ADGRG2: variants seen among roughly 807,000 people sequenced by gnomAD.
ADGRG2 encodes the protein G protein-coupled receptor 64.
ADGRG2 carries 26 observed loss-of-function variants against 74.1 expected under a neutral mutation model. That is an observed-to-expected ratio of 0.35 (90% CI 0.26 to 0.49). The LOEUF (loss-of-function observed/expected upper bound fraction) is 0.49. Ranked by LOEUF, ADGRG2 falls within the 20% of genes least tolerant of loss-of-function variation. The pLI, the probability that ADGRG2 is intolerant of heterozygous loss-of-function variation, is 0.99. For synonymous variants in ADGRG2, 296 were observed against 295.2 expected, an observed-to-expected ratio of 1.00 and a Z score of -0.03; for missense variants, 619 against 763.1, an observed-to-expected ratio of 0.81 and a Z score of 2.22.
intron 2 of ADGRG2, among the ~76,000 whole-genome samples, chrX:19,073,025 G>C (rs1328138245): frequency 8.0e-5 from 9 of 112,286 alleles, no homozygotes; most frequent in Admixed American, 4.7e-4. Context: ...GGTGTGAGCT[G>C]GTGGGAGGTG....
intron 3 of ADGRG2, among the ~76,000 whole-genome samples, chrX:19,068,401 C>T (rs756656238): frequency 9.2e-6 from 1 of 108,962 alleles, no homozygotes; most frequent in Non-Finnish European, 1.9e-5. Context: ...ATCTAAGGTA[C>T]TTGCAATAAG....
chrX:19,089,828 C>G (rs750684171), intron 1 of ADGRG2, among the ~76,000 whole-genome samples: 1 of 111,642 alleles, frequency 9.0e-6, no homozygotes, highest in Admixed American at 9.5e-5. Context: ...CCGAGACCAG[C>G]AGAAGAACCA....
At chrX:19,079,076 A>G (rs1010989089) in intron 2 of ADGRG2, among the ~76,000 whole-genome samples, 26 of 112,241 alleles carry the variant, frequency 2.3e-4, no homozygotes, top group African/African-American at 8.1e-4. Flanking sequence ...CCAATTACCA[A>G]GAAGGAATCA....
intron 16 of ADGRG2, 143 bp downstream of exon 16, chrX:19,013,543 G>A: frequency 2.1e-6 from 1 of 471,150 alleles, no homozygotes; most frequent in Non-Finnish European, 3.5e-6. Context: ...TGACTCTTAT[G>A]CAACCATGTA....
At chrX:19,002,497 T>C (rs141950990) in intron 24 of ADGRG2, among the ~76,000 whole-genome samples, 1 of 112,105 alleles carries the variant, frequency 8.9e-6, no homozygotes, top group Non-Finnish European at 1.9e-5. Context: ...GTTTGGGCTC[T>C]TTACCACCAA....
chrX:19,023,955 T>A lies in ADGRG2; in HGVS notation c.471-7A>T. The A allele has an allele frequency of 2.6e-6, 3 of 1,167,261 alleles. No homozygotes were observed. ...TTTGTTGAGCTCTGAGCGTCTGTAA[T>A]AAAATGAGAGAAATTGACATTAAGG... On this transcript the variant is annotated splice_polypyrimidine_tract_variant and splice_region_variant and intron_variant, in intron 11 of 28. Coordinates refer to ENST00000379869, the MANE Select transcript of ADGRG2 (RefSeq NM_001079858.3).
rs745398670 is a variant in ADGRG2, at chrX:18,999,114, G to A, written c.2496C>T (p.Leu832=). ...GAQRKTSIQD[L]RSIAGLTFLL... is the part of the protein sequence containing the mutation. ...AAAATGTAAGGCCAGCGATACTCCT[G>A]AGGTCTTGAATACTGGTTTTTCGCT... The change falls in exon 26 of 29, where the codon CTC becomes CTT. Residue 832 remains leucine (L), a synonymous_variant. Coordinates refer to ENST00000379869, the MANE Select transcript of ADGRG2 (RefSeq NM_001079858.3). 40 of 1,210,599 alleles carry A rather than the reference G, an allele frequency of 3.3e-5. No individual in the cohort carries two copies. Among genetic ancestry groups the A allele is most frequent in the Non-Finnish European group, 4.5e-5 (40 of 894,405 alleles).
intron 3 of ADGRG2, among the ~76,000 whole-genome samples, chrX:19,064,489 G>A (rs1329503135): frequency 8.9e-6 from 1 of 112,099 alleles, no homozygotes; most frequent in African/African-American, 3.2e-5. Flanking sequence ...CAGTGGAGAA[G>A]TGGCAGGTCA....
intron 7 of ADGRG2, 88 bp from the exon 8 acceptor site, chrX:19,033,742 T>A (rs1569396572): frequency 4.4e-6 from 2 of 452,110 alleles, no homozygotes; most frequent in Admixed American, 7.2e-5. Flanking sequence ...AGTGAAGTGC[T>A]AAAAAAAAAG....
intron 15 of ADGRG2, among the ~76,000 whole-genome samples, chrX:19,016,231 T>G (rs768916465): frequency 8.9e-6 from 1 of 112,300 alleles, no homozygotes; most frequent in African/African-American, 3.2e-5. Context: ...ACGAATTTTA[T>G]ATATAATCAC....
At chrX:19,107,307 C>T (rs903791441) in intron 1 of ADGRG2, among the ~76,000 whole-genome samples, 3 of 112,317 alleles carry the variant, frequency 2.7e-5, no homozygotes, top group African/African-American at 9.7e-5. Context: ...ATCGTTTTCC[C>T]TGCCTAAAAA....
Position 18,989,817 on chromosome X carries a change from A to G in ADGRG2, c.*1047T>C, listed in dbSNP as rs1430843289. The G allele has an allele frequency of 8.9e-6, 1 of 112,197 alleles. No homozygotes were observed. Among genetic ancestry groups the G allele is most frequent in the Non-Finnish European group, 1.9e-5 (1 of 53,154 alleles). The allele number at this position is 112,197 out of a possible 1,213,427, so 9.2% of individuals were successfully genotyped here. A position where few individuals can be genotyped will look rare whatever the true frequency, so the allele number is the denominator to read the frequency against. The stretch of plus-strand genomic sequence containing the variant: ...ACGGCAATATGATTTTTTTCCATAT[A>G]TATGTACCTTTTTAAGAGAAGGAAT... On this transcript the variant is annotated 3_prime_UTR_variant, in exon 29 of 29. Coordinates refer to ENST00000379869, the MANE Select transcript of ADGRG2 (RefSeq NM_001079858.3).
At chrX:19,019,517 A>C in intron 15 of ADGRG2, 82 bp downstream of exon 15, 2 of 574,361 alleles carry the variant, frequency 3.5e-6, no homozygotes, top group Non-Finnish European at 5.8e-6. Flanking sequence ...CTTTACTCCC[A>C]AAATTCTAAA....
chrX:19,101,494 A>G (rs943435120), intron 1 of ADGRG2, among the ~76,000 whole-genome samples: 9 of 110,388 alleles, frequency 8.2e-5, no homozygotes, highest in Non-Finnish European at 1.7e-4. Context: ...TGAGTCTAGG[A>G]GTTCGAGACC....
At chrX:19,038,787 C>G (rs936895931) in intron 4 of ADGRG2, among the ~76,000 whole-genome samples, 31 of 111,741 alleles carry the variant, frequency 2.8e-4, no homozygotes, top group Middle Eastern at 4.6e-3. Context: ...GTGTGTCCCC[C>G]CAGAGTCCCA....
At chrX:19,104,036 G>A (rs992118182) in intron 1 of ADGRG2, among the ~76,000 whole-genome samples, 1 of 111,749 alleles carries the variant, frequency 8.9e-6, no homozygotes, top group African/African-American at 3.3e-5. Context: ...TCAGTCTGGG[G>A]AAGAAGGCAG....
intron 8 of ADGRG2, chrX:19,033,152 G>A (rs1306428021): frequency 8.9e-6 from 1 of 112,487 alleles, no homozygotes; most frequent in Non-Finnish European, 1.9e-5. Context: ...CTGAGCCAAG[G>A]AGGTTGAGGC....
At chrX:19,102,644 A>G (rs113371478) in intron 1 of ADGRG2, among the ~76,000 whole-genome samples, 9,601 of 110,078 alleles carry the variant, frequency 0.087, 722 homozygotes, top group African/African-American at 0.24. Flanking sequence ...GGGTGGAGTC[A>G]TGCACAGTTA....
intron 1 of ADGRG2, among the ~76,000 whole-genome samples, chrX:19,086,017 G>A (rs919888789): frequency 6.3e-5 from 7 of 111,500 alleles, no homozygotes; most frequent in Non-Finnish European, 1.1e-4. Context: ...AGCAAGTTGT[G>A]GAAAATAATG....
Sources: allele counts gnomAD v4.1 joint callset (sites outside exome capture counted in the v4.1 genomes callset), GRCh38; gene constraint gnomAD v4.1.1; transcripts MANE v1.5; gene names NCBI Gene and HGNC (gene_info 2026-07-23, HGNC 2026-07-21).